GPR137: variants seen among roughly 807,000 people sequenced by gnomAD.
GPR137 encodes integral membrane protein GPR137.
GPR137 carries 20 observed loss-of-function variants against 38.9 expected under a neutral mutation model. The observed-to-expected ratio is 0.51, with a 90% CI of 0.36 to 0.75. The LOEUF is 0.75. GPR137 is among the 30% of genes least tolerant of loss of function. GPR137 has a pLI of 0.00. For missense variants in GPR137, 456 were observed against 526.4 expected (o/e 0.87, Z 1.31); for synonymous variants, 226 against 235.8 (o/e 0.96, Z 0.38).
Position 64,289,166 on chromosome 11 carries a change from CCA to C in GPR137, c.1164_1165del (p.His388GlnfsTer?), listed in dbSNP as rs1179510675. 6.2e-7 allele frequency: 1 copy of C among 1,613,698 alleles called. No homozygotes were observed. The highest frequency in any genetic ancestry group is 2.2e-5 in the East Asian group (1 of 44,888). On this transcript the variant is annotated frameshift_variant, in exon 7 of 7. Coordinates refer to ENST00000438980, the MANE Select transcript of GPR137 (RefSeq NM_001170880.2). LOFTEE classifies it high-confidence loss of function. ...AGGTGCCAGGACCAGGCGGCCACCA[CCA>C]CAGTCTCTACTCCACCCCACAGACG... The part of the protein sequence containing the change: ...SQVPGPGGHH[H>X]SLYSTPQT
intron 2 of GPR137, 198 bp from the exon 3 acceptor site, chr11:64,287,523 C>A: frequency 5.7e-6 from 4 of 697,972 alleles, no homozygotes; most frequent in Non-Finnish European, 3.5e-6. Context: ...CCAGTTGGTG[C>A]ACCTTCCGAA....
upstream of GPR137, chr11:64,272,615 C>T (rs575144072): frequency 9.2e-5 from 14 of 152,252 alleles, no homozygotes; most frequent in Admixed American, 4.6e-4. Flanking sequence ...GGTGCACTTA[C>T]GTGTAGGCCG....
At chr11:64,280,476 C>A (rs1325649112), upstream of GPR137, among the ~76,000 whole-genome samples, 17 of 145,958 alleles carry the variant, frequency 1.2e-4, no homozygotes, top group Admixed American at 6.8e-4. Context: ...CTCAGCCTCC[C>A]GAGTAGCTGG....
At chr11:64,271,967 G>C (rs1253691735), upstream of GPR137, 5 of 475,236 alleles carry the variant, frequency 1.1e-5, no homozygotes, top group Non-Finnish European at 1.7e-5. Context: ...TGTGAATCGA[G>C]GGGAAGCTCA....
rs774485728 is a variant in GPR137 at position 64,288,509 on chromosome 11, G to A, written c.912+41G>A. 1.2e-6 allele frequency: 2 copies of A among 1,613,056 alleles called. No individual in the cohort carries two copies. The highest frequency in any genetic ancestry group is 2.2e-5 in the South Asian group (2 of 91,034). ...CTCTTCTGTGGGGCCAGTGGAGGGGGCGGATGTTGCAAATCCTGGGTTGGA... is the reference window on the plus strand; with the variant it reads ...CTCTTCTGTGGGGCCAGTGGAGGGGACGGATGTTGCAAATCCTGGGTTGGA... On this transcript the variant is annotated intron_variant, in intron 5 of 6. Coordinates refer to ENST00000438980, the MANE Select transcript of GPR137 (RefSeq NM_001170880.2). The surrounding 1 kb of genome is among the most constrained non-coding windows in gnomAD (Gnocchi z 5.5).
Position 64,285,929 on chromosome 11 carries a change from C to G in GPR137, c.-596C>G, listed in dbSNP as rs960197257. The G allele has an allele frequency of 1.0e-6, 1 of 958,214 alleles. No individual in the cohort carries two copies. The highest frequency in any genetic ancestry group is 1.2e-6 in the Non-Finnish European group (1 of 805,326). 59.4% of individuals were successfully genotyped at this position (958,214 alleles called of 1,614,324 possible). On this transcript the variant is annotated 5_prime_UTR_variant, in exon 1 of 7. Coordinates refer to ENST00000438980, the MANE Select transcript of GPR137 (RefSeq NM_001170880.2). ...TCCCATCAGCGGCCTGAGGACCTGG[C>G]GTCCGCCTCCTCCCTCCCCTTGAGG...
rs1197207180 is a variant in GPR137, at chr11:64,288,694, G to C, written c.1004G>C (p.Trp335Ser). 1.9e-6 allele frequency: 3 copies of C among 1,579,366 alleles called. No individual in the cohort carries two copies. In the African/African-American group the frequency reaches 4.0e-5, roughly 21 times the overall value. Residue 335 changes from tryptophan (W) to serine (S), a missense_variant, in exon 6 of 7, where the codon TGG becomes TCG. Physicochemically the swap from Trp to Ser is radical, Grantham distance 177 (BLOSUM62 -3). Coordinates refer to ENST00000438980, the MANE Select transcript of GPR137 (RefSeq NM_001170880.2). The surrounding 1 kb of genome is among the most constrained non-coding windows in gnomAD (Gnocchi z 5.5). The part of the protein sequence containing the change: ...AGHCEDEGCS[W>S]EHSRGESTSM... ...CACTGTGAAGATGAGGGCTGCTCCT[G>C]GGAGCACAGCCGGGGTGAGAGCACC... is the stretch of plus-strand genomic sequence containing the variant.
intron 2 of GPR137, chr11:64,277,034 G>A (rs1449877693): frequency 8.4e-6 from 6 of 715,042 alleles, no homozygotes; most frequent in Admixed American, 6.0e-5. Flanking sequence ...AGGAGAATAC[G>A]AAGTTCTCCC....
upstream of GPR137, among the ~76,000 whole-genome samples, chr11:64,282,306 A>G (rs1246072384): frequency 6.6e-6 from 1 of 152,178 alleles, no homozygotes; most frequent in Non-Finnish European, 1.5e-5. Context: ...CAGGAAGTTA[A>G]AGAAAGCTGT....
At chr11:64,280,476 C>T (rs1325649112), upstream of GPR137, among the ~76,000 whole-genome samples, 17 of 145,876 alleles carry the variant, frequency 1.2e-4, no homozygotes, top group African/African-American at 3.8e-4. Flanking sequence ...CTCAGCCTCC[C>T]GAGTAGCTGG....
chr11:64,274,168 G>A (rs1274318008), upstream of GPR137, among the ~76,000 whole-genome samples: 5 of 152,044 alleles, frequency 3.3e-5, no homozygotes, highest in Non-Finnish European at 5.9e-5. Flanking sequence ...CGAGGCAGGC[G>A]CATCACGAGG....
chr11:64,270,720 A>T, upstream of GPR137: 1 of 489,822 alleles, frequency 2.0e-6, no homozygotes, highest in Non-Finnish European at 4.0e-6. Context: ...CTTTGAGGCC[A>T]GGAGTTCCAG....
Position 64,288,749 on chromosome 11 carries a change from C to A in GPR137, c.1031+28C>A. 1 of 1,502,108 alleles carries A rather than the reference C, an allele frequency of 6.7e-7. No individual in the cohort carries two copies. Among genetic ancestry groups the A allele is most frequent in the African/African-American group, 1.4e-5 (1 of 72,250 alleles). 93.0% of individuals were successfully genotyped at this position (1,502,108 alleles called of 1,614,324 possible). A position where few individuals can be genotyped will look rare whatever the true frequency, so the allele number is the denominator to read the frequency against. ...AGGAGCCGTGGCACTGCCTCAGTAC[C>A]CCTGCCCTACCCGCCCACCCCGCTG... is the stretch of plus-strand genomic sequence containing the variant. On this transcript the variant is annotated intron_variant, in intron 6 of 6. Transcript: ENST00000438980. The surrounding 1 kb of genome is among the most constrained non-coding windows in gnomAD (Gnocchi z 5.5).
chr11:64,289,490 C>T lies in GPR137; in HGVS notation c.*294C>T. 7.1e-7 allele frequency: 1 copy of T among 1,414,438 alleles called. No individual in the cohort carries two copies. Among genetic ancestry groups the T allele is most frequent in the South Asian group, 1.4e-5 (1 of 70,412 alleles). The allele number at this position is 1,414,438 out of a possible 1,614,324, so 87.6% of individuals were successfully genotyped here. ...CCACTCAATAAACAGTGTCTGCGCCCCACAGTTGTGCACCTGTCTGTCATC... is the reference window on the plus strand; with the variant it reads ...CCACTCAATAAACAGTGTCTGCGCCTCACAGTTGTGCACCTGTCTGTCATC... On this transcript the variant is annotated 3_prime_UTR_variant, in exon 7 of 7. Coordinates refer to ENST00000438980, the MANE Select transcript of GPR137 (RefSeq NM_001170880.2).
At chr11:64,279,115 A>G (rs1047772628) in intron 2 of GPR137, among the ~76,000 whole-genome samples, 2 of 151,762 alleles carry the variant, frequency 1.3e-5, no homozygotes, top group South Asian at 4.2e-4. Flanking sequence ...TCCTTTCTGT[A>G]CCTTGCTACT....
In GPR137 at chr11:64,286,192, T is replaced by C. The variant is rs2034010717; in HGVS notation, c.-333T>C. On this transcript the variant is annotated 5_prime_UTR_variant, in exon 1 of 7. Transcript: ENST00000438980. ...GACATGAACGACCGAGGCCAGGGAG[T>C]CCTCTCCTTGGGCCTCTGCATCCCC... 1 of 1,097,628 alleles carries C rather than the reference T, an allele frequency of 9.1e-7. No individual in the cohort carries two copies. The highest frequency in any genetic ancestry group is 1.7e-5 in the African/African-American group (1 of 60,518). 68.0% of individuals were successfully genotyped at this position (1,097,628 alleles called of 1,614,324 possible).
At chr11:64,272,211 C>A (rs200458741), upstream of GPR137, among the ~76,000 whole-genome samples, 259 of 151,952 alleles carry the variant, frequency 1.7e-3, 2 homozygotes, top group South Asian at 0.024. Flanking sequence ...CCCAGTTACT[C>A]GGGAGGCTGA....
upstream of GPR137, among the ~76,000 whole-genome samples, chr11:64,272,293 T>C (rs2135095366): frequency 6.6e-6 from 1 of 150,620 alleles, no homozygotes; most frequent in East Asian, 2.0e-4. Context: ...CACTCCAGCC[T>C]GGGCGACAGG....
chr11:64,286,068 C>T lies in GPR137; in HGVS notation c.-457C>T. On this transcript the variant is annotated 5_prime_UTR_variant, in exon 1 of 7. Transcript: ENST00000438980. ...TTATTGGAGGAGAGAGAGCCTCCCC[C>T]AGCTTGGGGAGGGGGAGAGCGGGGC... 2.0e-6 allele frequency: 2 copies of T among 990,098 alleles called. No individual in the cohort carries two copies. Among genetic ancestry groups the T allele is most frequent in the Non-Finnish European group, 2.4e-6 (2 of 832,942 alleles). The allele number at this position is 990,098 out of a possible 1,614,324, so 61.3% of individuals were successfully genotyped here. A position where few individuals can be genotyped will look rare whatever the true frequency, so the allele number is the denominator to read the frequency against.
Sources: allele counts gnomAD v4.1 joint callset (sites outside exome capture counted in the v4.1 genomes callset), GRCh38; gene constraint gnomAD v4.1.1; non-coding constraint Gnocchi (gnomAD v3.1); transcripts MANE v1.5; gene names NCBI Gene and HGNC (gene_info 2026-07-23, HGNC 2026-07-21).